Variants in RABEPK observed in about 807,000 individuals in gnomAD.
RABEPK encodes the protein 40 kDa Rab9 effector protein.
A neutral mutation model predicts 34.1 loss-of-function variants in RABEPK; 27 were observed. The ratio of observed to expected loss-of-function variants is 0.79; its 90% confidence interval spans 0.58 to 1.09. The LOEUF (loss-of-function observed/expected upper bound fraction) is 1.09. RABEPK is among the 50% of genes least tolerant of loss of function. The pLI, the probability that RABEPK is intolerant of heterozygous loss-of-function variation, is 0.00. For missense variants in RABEPK, 449 were observed against 462.6 expected (o/e 0.97, Z 0.27); for synonymous variants, 172 against 169.2 (o/e 1.02, Z -0.13).
In RABEPK at chr9:125,228,051, T is replaced by C. The variant is rs1258104666; in HGVS notation, c.668T>C (p.Ile223Thr). 1 of 1,565,064 alleles carries C rather than the reference T, an allele frequency of 6.4e-7. No individual in the cohort carries two copies. The highest frequency in any genetic ancestry group is 8.7e-7 in the Non-Finnish European group (1 of 1,152,038). ...GDRFYDDLHC[I>T]DISDMKWQKL... is the part of the protein sequence containing the mutation. ...AGATTCTATGATGACCTCCACTGCA[T>C]TGATATAAGTAAGCAGGGCATGGGG... Residue 223 changes from isoleucine to threonine, a missense_variant, in exon 6 of 8, where the codon ATT becomes ACT. Physicochemically the swap from Ile to Thr is moderately conservative, Grantham distance 89. Coordinates refer to ENST00000373538, the MANE Select transcript of RABEPK (RefSeq NM_005833.4).
At chr9:125,200,967 C>G (rs369387170) in intron 1 of RABEPK, 61 bp downstream of exon 1, 39 of 405,756 alleles carry the variant, frequency 9.6e-5, no homozygotes, top group African/African-American at 6.7e-4. Flanking sequence ...GCCACTCCCC[C>G]ACTTCTACTC....
intron 3 of RABEPK, among the ~76,000 whole-genome samples, chr9:125,209,781 C>G (rs1473172315): frequency 6.6e-6 from 1 of 152,150 alleles, no homozygotes; most frequent in Admixed American, 6.6e-5. Flanking sequence ...GAATGTTTTT[C>G]CCTTTTCTTA....
Position 125,228,686 on chromosome 9 carries a change from G to A in RABEPK, c.676+627G>A, listed in dbSNP as rs909204737. On this transcript the variant is annotated intron_variant, in intron 6 of 7. Transcript: ENST00000373538. ...AAAAAAAGAAAAAAAAAAAAAAGCC[G>A]GGCTTGGTGACTCACACCTGTAATC... 9.4e-5 allele frequency among the ~76,000 whole-genome samples: 14 copies of A among 148,174 alleles called. No individual in the cohort carries two copies. The East Asian group carries it at 2.0e-3, about 21-fold the overall frequency.
chr9:125,214,901 C>T (rs2131390320), intron 4 of RABEPK, among the ~76,000 whole-genome samples: 1 of 151,896 alleles, frequency 6.6e-6, no homozygotes, highest in South Asian at 2.1e-4. Flanking sequence ...AGTGATTCTC[C>T]TGCCTCAGCC....
At chr9:125,213,637 C>A in intron 4 of RABEPK, 115 bp downstream of exon 4, 1 of 892,232 alleles carries the variant, frequency 1.1e-6, no homozygotes, top group Non-Finnish European at 1.6e-6. Context: ...ATACTAATTA[C>A]CATTTAACTT....
rs139894722 is a variant in RABEPK at position 125,223,053 on chromosome 9, G to A, written c.526+2353G>A. Among the ~76,000 whole-genome samples the A allele has an allele frequency of 1.9e-3, 292 of 152,230 alleles. 1 individual carries two copies. Among genetic ancestry groups the A allele is most frequent in the African/African-American group, 6.1e-3 (255 of 41,568 alleles). ...TCCCAGCACTTTGGGAGGCAGAGGCGGGTGGATCATGAGGTCAGGAGTTCG... is the reference window on the plus strand; with the variant it reads ...TCCCAGCACTTTGGGAGGCAGAGGCAGGTGGATCATGAGGTCAGGAGTTCG... On this transcript the variant is annotated intron_variant, in intron 5 of 7. Transcript: ENST00000373538.
chr9:125,228,033 A>G lies in RABEPK; in HGVS notation c.650A>G (p.Tyr217Cys), dbSNP rs753765155. The change falls in exon 6 of 8, where the codon TAT becomes TGT. Residue 217 changes from tyrosine to cysteine, a missense_variant. Coordinates refer to ENST00000373538, the MANE Select transcript of RABEPK (RefSeq NM_005833.4). ...GGAGGCTTGGCGGGGGACAGATTCT[A>G]TGATGACCTCCACTGCATTGATATA... is the stretch of plus-strand genomic sequence containing the variant. Reference protein sequence around the residue: ...IHGGLAGDRFYDDLHCIDISD... With the variant: ...IHGGLAGDRFCDDLHCIDISD... 1.2e-6 allele frequency: 2 copies of G among 1,602,286 alleles called. No homozygotes were observed. Among genetic ancestry groups the G allele is most frequent in the Admixed American group, 1.7e-5 (1 of 59,054 alleles).
intron 5 of RABEPK, among the ~76,000 whole-genome samples, chr9:125,225,659 C>A (rs774057141): frequency 6.6e-6 from 1 of 151,890 alleles, no homozygotes; most frequent in Non-Finnish European, 1.5e-5. Flanking sequence ...CCCGTCTCTA[C>A]TAAAAATACA....
chr9:125,211,189 A>G (rs1447788293), intron 3 of RABEPK, among the ~76,000 whole-genome samples: 4 of 150,646 alleles, frequency 2.7e-5, no homozygotes. Context: ...GTGAGCCGAG[A>G]TCGCGCCACT....
rs201037985 is a variant in RABEPK at position 125,228,022 on chromosome 9, G to A, written c.639G>A (p.Gly213=). 1 of 1,603,232 alleles carries A rather than the reference G, an allele frequency of 6.2e-7. No homozygotes were observed. Among genetic ancestry groups the A allele is most frequent in the East Asian group, 2.3e-5 (1 of 44,070 alleles). Residue 213 remains glycine (G), a synonymous_variant, in exon 6 of 8, where the codon GGG becomes GGA. Coordinates refer to ENST00000373538, the MANE Select transcript of RABEPK (RefSeq NM_005833.4). ...TCTTCATCCACGGAGGCTTGGCGGG[G>A]GACAGATTCTATGATGACCTCCACT... The part of the protein sequence containing the change: ...TKLFIHGGLA[G]DRFYDDLHCI...
At chr9:125,212,722 T>C (rs896128784) in intron 3 of RABEPK, among the ~76,000 whole-genome samples, 1 of 151,684 alleles carries the variant, frequency 6.6e-6, no homozygotes, top group Non-Finnish European at 1.5e-5. Flanking sequence ...CAATCTTGGC[T>C]TGCTGCAACC....
At chr9:125,233,664 A>T (rs1057300359) in intron 7 of RABEPK, 24 bp from the exon 8 acceptor site, 4 of 1,599,586 alleles carry the variant, frequency 2.5e-6, no homozygotes, top group Non-Finnish European at 2.6e-6. Flanking sequence ...TCTTAACATG[A>T]AGCCTTTTCC....
chr9:125,220,982 C>T (rs537447233), intron 5 of RABEPK: 2 of 268,000 alleles, frequency 7.5e-6, no homozygotes, highest in South Asian at 1.2e-4. Flanking sequence ...GCCTGGCCAA[C>T]ATACCTTTTC....
chr9:125,224,345 A>G (rs1262703395), intron 5 of RABEPK, among the ~76,000 whole-genome samples: 1 of 152,116 alleles, frequency 6.6e-6, no homozygotes, highest in Non-Finnish European at 1.5e-5. Context: ...GTAAAACGTA[A>G]TAATCATCAT....
intron 6 of RABEPK, among the ~76,000 whole-genome samples, chr9:125,231,894 A>ATTTTT (rs555538576): frequency 2.7e-5 from 3 of 112,660 alleles, no homozygotes; most frequent in Non-Finnish European, 3.6e-5. Flanking sequence ...AAGGAACTGT[A>ATTTTT]TTTTTTTTTT....
chr9:125,228,926 G>A (rs1831976685), intron 6 of RABEPK, among the ~76,000 whole-genome samples: 1 of 151,352 alleles, frequency 6.6e-6, no homozygotes, highest in African/African-American at 2.4e-5. Flanking sequence ...CCACACCATT[G>A]CACTCCAGCC....
chr9:125,209,311 A>C (rs887342092), intron 3 of RABEPK, among the ~76,000 whole-genome samples: 24 of 150,228 alleles, frequency 1.6e-4, no homozygotes, highest in Admixed American at 8.0e-4. Flanking sequence ...CTCCCGCCTC[A>C]TCCTCCCAAA....
At chr9:125,220,315 T>A in intron 4 of RABEPK, 1 of 1,434,640 alleles carries the variant, frequency 7.0e-7, no homozygotes, top group South Asian at 1.6e-5. Context: ...GACTCCATTC[T>A]TGTGCTTACA....
chr9:125,216,410 A>G (rs572915877), intron 4 of RABEPK, among the ~76,000 whole-genome samples: 1 of 152,086 alleles, frequency 6.6e-6, no homozygotes, highest in Admixed American at 6.5e-5. Flanking sequence ...CGATAAAAAA[A>G]TTAAAATTAA....
Sources: gnomAD v4.1 joint callset for allele counts (sites outside exome capture counted in the v4.1 genomes callset) on GRCh38, gnomAD v4.1.1 for gene constraint, MANE v1.5 for transcripts, NCBI Gene and HGNC (gene_info 2026-07-23, HGNC 2026-07-21) for gene names.